SMIM12: variants seen among roughly 807,000 people sequenced by gnomAD.
SMIM12 encodes small integral membrane protein 12.
SMIM12 carries 5 observed loss-of-function variants against 6.3 expected under a neutral mutation model. That is an observed-to-expected ratio of 0.80 (90% CI 0.42 to 1.68). SMIM12 has a LOEUF of 1.68. Among genes scored for constraint, SMIM12 ranks in the 40% most tolerant of loss-of-function variants. SMIM12 has a pLI of 0.02. For synonymous variants in SMIM12, 51 were observed against 48.0 expected, an observed-to-expected ratio of 1.06 and a Z score of -0.26; for missense variants, 103 against 121.4, an observed-to-expected ratio of 0.85 and a Z score of 0.71.
In SMIM12 at chr1:34,853,636, T is replaced by C. The variant is rs918621630; in HGVS notation, c.*2063A>G. On this transcript the variant is annotated 3_prime_UTR_variant, in exon 2 of 2. Transcript: ENST00000521580. ...TTCAAATGTCCAGCAATATGGAAAT[T>C]GTCCAGGATAAACTTATGTCATACT... 3 of 152,208 alleles carry C rather than the reference T, an allele frequency of 2.0e-5. No individual in the cohort carries two copies. Among genetic ancestry groups the C allele is most frequent in the African/African-American group, 7.2e-5 (3 of 41,456 alleles). The allele number at this position is 152,208 out of a possible 1,614,324, so 9.4% of individuals were successfully genotyped here.
rs745524688 is a variant in SMIM12, at chr1:34,855,861, G to T, written c.117C>A (p.Asp39Glu). The T allele has an allele frequency of 3.2e-6, 5 of 1,551,576 alleles. No homozygotes were observed. The highest frequency in any genetic ancestry group is 4.4e-6 in the Non-Finnish European group (5 of 1,147,016). Residue 39 changes from aspartate to glutamate, a missense_variant, in exon 2 of 2, where the codon GAC becomes GAA. Asp to Glu is a conservative substitution (Grantham distance 45). Transcript: ENST00000521580. Reference protein sequence around the residue: ...YHLEWFIRGKDPQPVEEEKSI... With the variant: ...YHLEWFIRGKEPQPVEEEKSI... ...TCTTTTCCTCCTCCACGGGCTGGGG[G>T]TCCTTTCCCCTGATGAACCATTCCA... is the stretch of plus-strand genomic sequence containing the variant.
chr1:34,855,598 T>A lies in SMIM12; in HGVS notation c.*101A>T. 1.2e-6 allele frequency: 2 copies of A among 1,613,468 alleles called. No individual in the cohort carries two copies. Among genetic ancestry groups the A allele is most frequent in the Non-Finnish European group, 1.7e-6 (2 of 1,179,984 alleles). ...CTGTGTGGTGTGGGAAGGGCCAGAATAAGCAACAAAGCCAATTAGATGTGG... is the reference window on the plus strand; with the variant it reads ...CTGTGTGGTGTGGGAAGGGCCAGAAAAAGCAACAAAGCCAATTAGATGTGG... On this transcript the variant is annotated 3_prime_UTR_variant, in exon 2 of 2. Transcript: ENST00000521580.
chr1:34,858,127 A>G (rs1365755939), intron 1 of SMIM12: 1 of 151,784 alleles, frequency 6.6e-6, no homozygotes, highest in Non-Finnish European at 1.5e-5. Flanking sequence ...AAAAAAAAAA[A>G]ATTGCAGCAT....
Position 34,855,039 on chromosome 1 carries a change from G to T in SMIM12, c.*660C>A. On this transcript the variant is annotated 3_prime_UTR_variant, in exon 2 of 2. Coordinates refer to ENST00000521580, the MANE Select transcript of SMIM12 (RefSeq NM_138428.6). Reference sequence around the variant, plus strand: ...AAATACCACCTGGATGATAAGATTCGATCATTATGGTTCTCAGATACCACT... The same window carrying T: ...AAATACCACCTGGATGATAAGATTCTATCATTATGGTTCTCAGATACCACT... 7.9e-7 allele frequency: 1 copy of T among 1,267,300 alleles called. No homozygotes were observed. Among genetic ancestry groups the T allele is most frequent in the Non-Finnish European group, 1.0e-6 (1 of 973,420 alleles). 78.5% of individuals were successfully genotyped at this position (1,267,300 alleles called of 1,614,324 possible). A position where few individuals can be genotyped will look rare whatever the true frequency, so the allele number is the denominator to read the frequency against.
chr1:34,852,124 G>A lies in SMIM12; in HGVS notation c.*3575C>T, dbSNP rs2148374839. Among the ~76,000 whole-genome samples the A allele has an allele frequency of 6.7e-6, 1 of 150,056 alleles. No homozygotes were observed. The highest frequency in any genetic ancestry group is 2.0e-4 in the East Asian group (1 of 5,012). On this transcript the variant is annotated 3_prime_UTR_variant, in exon 2 of 2. Transcript: ENST00000521580. The stretch of plus-strand genomic sequence containing the variant: ...TGAGAACACTAATAGACTTGCTAGA[G>A]GAAGAATTCAGTGACAAAGTGCCCT...
In SMIM12 at chr1:34,855,513, T is replaced by C. The variant is rs371402440; in HGVS notation, c.*186A>G. On this transcript the variant is annotated 3_prime_UTR_variant, in exon 2 of 2. Transcript: ENST00000521580. ...CAACAGATGCGGCCTTCCTCTTCAC[T>C]GGCCCCTCGGCTGCTGCTGGGTCTG... 7 of 1,610,164 alleles carry C rather than the reference T, an allele frequency of 4.3e-6. No individual in the cohort carries two copies. The highest frequency in any genetic ancestry group is 5.9e-6 in the Non-Finnish European group (7 of 1,178,038).
At position 34,855,759 on chromosome 1, in the gene SMIM12, C is replaced by T. The variant is rs1469362461; in HGVS notation, c.219G>A (p.Lys73=). 2 of 1,583,580 alleles carry T rather than the reference C, an allele frequency of 1.3e-6. No individual in the cohort carries two copies. The highest frequency in any genetic ancestry group is 1.3e-5 in the African/African-American group (1 of 74,220). Residue 73 remains lysine, a synonymous_variant, in exon 2 of 2, where the codon AAG becomes AAA. Transcript: ENST00000521580. The part of the protein sequence containing the change: ...GKDHTQVVSL[K]DKLEFAPKAV... ...CTTTCGGGGCAAATTCTAGCTTGTC[C>T]TTAAGGCTCACCACCTGCGTGTGGT...
At position 34,855,234 on chromosome 1, in the gene SMIM12, G is replaced by A. The variant is rs750395581; in HGVS notation, c.*465C>T. The A allele has an allele frequency of 6.6e-6, 9 of 1,369,218 alleles. No individual in the cohort carries two copies. The highest frequency in any genetic ancestry group is 8.8e-6 in the Non-Finnish European group (9 of 1,022,994). The allele number at this position is 1,369,218 out of a possible 1,614,324, so 84.8% of individuals were successfully genotyped here. On this transcript the variant is annotated 3_prime_UTR_variant, in exon 2 of 2. Transcript: ENST00000521580. ...ATCCCATTCCTGAGCTGACAAGACAGATTTCAGTAAGAATGAGCACAAAGG... is the reference window on the plus strand; with the variant it reads ...ATCCCATTCCTGAGCTGACAAGACAAATTTCAGTAAGAATGAGCACAAAGG...
Position 34,851,626 on chromosome 1 carries a change from G to T in SMIM12, c.*4073C>A, listed in dbSNP as rs557986138. The T allele has an allele frequency of 6.6e-6, 1 of 152,354 alleles. No homozygotes were observed. The highest frequency in any genetic ancestry group is 2.1e-4 in the South Asian group (1 of 4,830). 9.4% of individuals were successfully genotyped at this position (152,354 alleles called of 1,614,324 possible). On this transcript the variant is annotated 3_prime_UTR_variant, in exon 2 of 2. Transcript: ENST00000521580. ...CCAGAGTCAAAAGGCTCCCTGGCAG[G>T]CTTGTTCTGGCAGCTGCCCAGCCGA...
At chr1:34,856,788 A>C (rs183815798) in intron 1 of SMIM12, 1 of 152,370 alleles carries the variant, frequency 6.6e-6, no homozygotes, top group Non-Finnish European at 1.5e-5. Context: ...TACATAATGC[A>C]TTACCTAATT....
rs11383879 is a variant in SMIM12, at chr1:34,856,083, A to ATTT, written c.-5-104_-5-102dup. On this transcript the variant is annotated intron_variant, in intron 1 of 1. Transcript: ENST00000521580. ...TCCACTTACCAGGCAGCCTGGCACA[A>ATTT]TTTTTTTTTTTTTTTGAGACGGAGT... 6.0e-3 allele frequency: 6,141 copies of ATTT among 1,027,688 alleles called. 29 individuals carry two copies. The highest frequency in any genetic ancestry group is 0.03 in the African/African-American group (1,787 of 59,554). The allele number at this position is 1,027,688 out of a possible 1,614,324, so 63.7% of individuals were successfully genotyped here.
At chr1:34,858,692 G>T (rs757035530) in intron 1 of SMIM12, 1 of 152,208 alleles carries the variant, frequency 6.6e-6, no homozygotes, top group Admixed American at 6.5e-5. Context: ...AACATATCGC[G>T]CATGAGTTCA....
rs1638613875 is a variant in SMIM12 at position 34,855,438 on chromosome 1, C to T, written c.*261G>A. On this transcript the variant is annotated 3_prime_UTR_variant, in exon 2 of 2. Transcript: ENST00000521580. The stretch of plus-strand genomic sequence containing the variant: ...CAATGTTCATCTCATAACTCTCCTC[C>T]CAGCAGTGCACCAGTAAACTCAGAT... 1 of 1,568,030 alleles carries T rather than the reference C, an allele frequency of 6.4e-7. No individual in the cohort carries two copies. The highest frequency in any genetic ancestry group is 8.7e-7 in the Non-Finnish European group (1 of 1,150,554).
intron 1 of SMIM12, chr1:34,857,272 C>CG (rs1209066024): frequency 2.6e-5 from 4 of 152,026 alleles, no homozygotes; most frequent in Middle Eastern, 3.4e-3. Context: ...GGGCGGGGAG[C>CG]GGAGTGGAAT....
rs1293543805 is a variant in SMIM12 at position 34,850,802 on chromosome 1, TCTC to T, written c.*4894_*4896del. 6.6e-6 allele frequency: 1 copy of T among 152,192 alleles called. No individual in the cohort carries two copies. The highest frequency in any genetic ancestry group is 6.5e-5 in the Admixed American group (1 of 15,282). 9.4% of individuals were successfully genotyped at this position (152,192 alleles called of 1,614,324 possible). A position where few individuals can be genotyped will look rare whatever the true frequency, so the allele number is the denominator to read the frequency against. On this transcript the variant is annotated 3_prime_UTR_variant, in exon 2 of 2. Transcript: ENST00000521580. ...GTCCAAGGCTCTTTCCCCTCCCAAT[TCTC>T]CTGATCTGTGACCTCCTGGGCATTC...
At position 34,855,477 on chromosome 1, in the gene SMIM12, T is replaced by TG; in HGVS notation, c.*221dup. On this transcript the variant is annotated 3_prime_UTR_variant, in exon 2 of 2. Transcript: ENST00000521580. The stretch of plus-strand genomic sequence containing the variant: ...GTAAACTCAGATGCCTGAGTGCTTG[T>TG]GGCCACCACACAACAGATGCGGCCT... 6.2e-7 allele frequency: 1 copy of TG among 1,600,244 alleles called. No homozygotes were observed. The highest frequency in any genetic ancestry group is 8.5e-7 in the Non-Finnish European group (1 of 1,171,392).
chr1:34,852,667 C>CT lies in SMIM12; in HGVS notation c.*3031_*3032insA, dbSNP rs1491332362. The CT allele has an allele frequency of 2.7e-4, 22 of 82,444 alleles. No homozygotes were observed. Among genetic ancestry groups the CT allele is most frequent in the African/African-American group, 1.4e-3 (20 of 14,096 alleles). 5.1% of individuals were successfully genotyped at this position (82,444 alleles called of 1,614,324 possible). ...AAACCCTGAATTTCTAGCATCTCTTCATTTTTTTTTTTTTACCCCCTCTGG... is the reference window on the plus strand; with the variant it reads ...AAACCCTGAATTTCTAGCATCTCTTCTATTTTTTTTTTTTTACCCCCTCTGG... On this transcript the variant is annotated 3_prime_UTR_variant, in exon 2 of 2. Transcript: ENST00000521580.
chr1:34,850,845 C>T lies in SMIM12; in HGVS notation c.*4854G>A, dbSNP rs1042736441. ...CCTGGGCATTCTGGCCAATCTGCTT[C>T]CCTCTGACTTTGCAGACTGCACTGA... On this transcript the variant is annotated 3_prime_UTR_variant, in exon 2 of 2. Coordinates refer to ENST00000521580, the MANE Select transcript of SMIM12 (RefSeq NM_138428.6). 1 of 152,290 alleles carries T rather than the reference C, an allele frequency of 6.6e-6. No individual in the cohort carries two copies. The highest frequency in any genetic ancestry group is 2.4e-5 in the African/African-American group (1 of 41,470). 9.4% of individuals were successfully genotyped at this position (152,290 alleles called of 1,614,324 possible). A position where few individuals can be genotyped will look rare whatever the true frequency, so the allele number is the denominator to read the frequency against.
chr1:34,858,374 T>C (rs889018013), intron 1 of SMIM12: 2 of 152,222 alleles, frequency 1.3e-5, no homozygotes, highest in Admixed American at 1.3e-4. Flanking sequence ...CTCTTTCTAG[T>C]GGGAAGAACA....
Sources: allele counts gnomAD v4.1 joint callset (sites outside exome capture counted in the v4.1 genomes callset), GRCh38; gene constraint gnomAD v4.1.1; transcripts MANE v1.5; gene names NCBI Gene and HGNC (gene_info 2026-07-23, HGNC 2026-07-21).